Variants in SPATA13 observed in about 807,000 individuals in gnomAD.
The protein encoded by SPATA13 is spermatogenesis associated 13.
A neutral mutation model predicts 104.0 loss-of-function variants in SPATA13; 50 were observed. The ratio of observed to expected loss-of-function variants is 0.48; its 90% confidence interval spans 0.38 to 0.61. The LOEUF (loss-of-function observed/expected upper bound fraction) is 0.61, where lower values mean the gene tolerates loss of function less well. SPATA13 is among the 20% of genes least tolerant of loss of function. The pLI is 0.00. For synonymous variants in SPATA13, 606 were observed against 667.5 expected, an observed-to-expected ratio of 0.91 and a Z score of 1.42; for missense variants, 1,524 against 1,690.6, an observed-to-expected ratio of 0.90 and a Z score of 1.73.
In SPATA13 at chr13:24,219,448, T is replaced by G. The variant is rs78957625; in HGVS notation, c.-111-3371T>G. 0.017 allele frequency among the ~76,000 whole-genome samples: 2,526 copies of G among 152,318 alleles called. 129 individuals carry two copies. The East Asian group carries it at 0.18, about 11-fold the overall frequency. Reference sequence around the variant, plus strand: ...AATTAAGTTCTGAGTGTTAGAAAATTTCAACTTCTTCACTCTATAAAAACA... The same window carrying G: ...AATTAAGTTCTGAGTGTTAGAAAATGTCAACTTCTTCACTCTATAAAAACA... On this transcript the variant is annotated intron_variant, in intron 1 of 12. Transcript: ENST00000382108.
At chr13:24,078,659 T>C (rs1261693936) in intron 3 of SPATA13, among the ~76,000 whole-genome samples, 2 of 152,172 alleles carry the variant, frequency 1.3e-5, no homozygotes, top group Non-Finnish European at 2.9e-5. Context: ...CCAGTAGGTG[T>C]GTTTAGGAAG....
At chr13:24,162,100 C>G (rs1320212221) in intron 1 of SPATA13, among the ~76,000 whole-genome samples, 2 of 152,178 alleles carry the variant, frequency 1.3e-5, no homozygotes, top group Non-Finnish European at 2.9e-5. Flanking sequence ...CTCTGCCCTC[C>G]TCCCGCACTT....
At chr13:24,236,294 C>T (rs985605738) in intron 2 of SPATA13, among the ~76,000 whole-genome samples, 8 of 152,142 alleles carry the variant, frequency 5.3e-5, no homozygotes, top group Admixed American at 2.6e-4. Context: ...ACAAAAAACA[C>T]AGCCCCATTT....
At chr13:23,994,119 G>T (rs1161481057) in intron 2 of SPATA13, among the ~76,000 whole-genome samples, 1 of 152,084 alleles carries the variant, frequency 6.6e-6, no homozygotes, top group Non-Finnish European at 1.5e-5. Context: ...CAGTTTTGGG[G>T]TAAAGGAAAT....
intron 2 of SPATA13, among the ~76,000 whole-genome samples, chr13:24,015,136 C>T (rs1876653015): frequency 6.6e-6 from 1 of 152,098 alleles, no homozygotes; most frequent in Admixed American, 6.5e-5. Flanking sequence ...TCATGATCTG[C>T]CTGCCTTGGC....
chr13:24,181,192 G>C (rs1868782457), intron 1 of SPATA13, among the ~76,000 whole-genome samples: 3 of 152,152 alleles, frequency 2.0e-5, no homozygotes, highest in Admixed American at 1.3e-4. Flanking sequence ...GAATGCGAAG[G>C]CCTAGGACAT....
intron 1 of SPATA13, among the ~76,000 whole-genome samples, chr13:24,180,829 A>G (rs1360387280): frequency 1.3e-5 from 2 of 152,156 alleles, no homozygotes; most frequent in Non-Finnish European, 2.9e-5. Context: ...GCAGCCATGC[A>G]TCACTTAATG....
chr13:24,140,029 A>G (rs1881705442), intron 3 of SPATA13, among the ~76,000 whole-genome samples: 2 of 151,106 alleles, frequency 1.3e-5, no homozygotes, highest in Admixed American at 6.6e-5. Context: ...AGGTCGTGCC[A>G]CTGCACGCCA....
chr13:24,148,633 G>T (rs1201089414), intron 3 of SPATA13, among the ~76,000 whole-genome samples: 1 of 152,218 alleles, frequency 6.6e-6, no homozygotes, highest in African/African-American at 2.4e-5. Flanking sequence ...TTTAGTCAGA[G>T]GGAGAACTTG....
chr13:24,015,726 C>T (rs577281105), intron 2 of SPATA13, among the ~76,000 whole-genome samples: 3 of 90,662 alleles, frequency 3.3e-5, no homozygotes, highest in South Asian at 1.0e-3. Context: ...CCCTTTGGGG[C>T]GACCCCTGGC....
At chr13:24,099,306 T>A (rs953056509) in intron 3 of SPATA13, among the ~76,000 whole-genome samples, 8 of 152,182 alleles carry the variant, frequency 5.3e-5, no homozygotes, top group Admixed American at 4.6e-4. Flanking sequence ...AAGATGGAAT[T>A]AAAAGATCAC....
At chr13:24,057,679 C>T (rs986986314) in intron 3 of SPATA13, among the ~76,000 whole-genome samples, 7 of 149,440 alleles carry the variant, frequency 4.7e-5, no homozygotes, top group South Asian at 2.1e-4. Context: ...TTCCTGAAGA[C>T]GGGCAAGCCT....
intron 2 of SPATA13, among the ~76,000 whole-genome samples, chr13:24,016,482 C>T (rs2137693351): frequency 6.6e-6 from 1 of 152,338 alleles, no homozygotes; most frequent in Non-Finnish European, 1.5e-5. Context: ...GCCTGGGCAG[C>T]TATGATGCAG....
chr13:24,238,033 A>C (rs1872657849), intron 2 of SPATA13, among the ~76,000 whole-genome samples: 1 of 148,132 alleles, frequency 6.8e-6, no homozygotes, highest in African/African-American at 2.5e-5. Context: ...CACACACAAA[A>C]TTAAGTGATG....
rs142758522 is a variant in SPATA13 at position 24,197,576 on chromosome 13, A to G, written c.-111-25243A>G. Among the ~76,000 whole-genome samples, 828 of 152,344 alleles carry G rather than the reference A, an allele frequency of 5.4e-3. 7 individuals are homozygous for G. The highest frequency in any genetic ancestry group is 0.018 in the African/African-American group (746 of 41,570). Reference sequence around the variant, plus strand: ...TAGTTACCTTTTCTGAAAGATAGAAATAATTTGCATCTCTAATGAGAAAAA... The same window carrying G: ...TAGTTACCTTTTCTGAAAGATAGAAGTAATTTGCATCTCTAATGAGAAAAA... On this transcript the variant is annotated intron_variant, in intron 1 of 12. Transcript: ENST00000382108.
At chr13:24,169,499 C>T (rs892685752) in intron 1 of SPATA13, among the ~76,000 whole-genome samples, 11 of 152,090 alleles carry the variant, frequency 7.2e-5, no homozygotes, top group African/African-American at 1.7e-4. Context: ...CCTCACTGAC[C>T]GGCATTGAGA....
chr13:24,282,675 G>A (rs774099750), intron 4 of SPATA13, among the ~76,000 whole-genome samples: 12 of 152,160 alleles, frequency 7.9e-5, no homozygotes, highest in Admixed American at 5.2e-4. Flanking sequence ...CTTCCTCCAC[G>A]TCGTAGCAAA....
At chr13:24,057,195 A>G (rs1169131544) in intron 3 of SPATA13, among the ~76,000 whole-genome samples, 1 of 151,704 alleles carries the variant, frequency 6.6e-6, no homozygotes, top group East Asian at 1.9e-4. Flanking sequence ...CTCGCCATTT[A>G]ACATTAAGTA....
chr13:24,186,399 G>A (rs1869151615), intron 1 of SPATA13, among the ~76,000 whole-genome samples: 1 of 152,180 alleles, frequency 6.6e-6, no homozygotes, highest in Non-Finnish European at 1.5e-5. Context: ...ACAAACTCAC[G>A]TGTTGTATGT....
Sources: gnomAD v4.1 joint callset for allele counts (sites outside exome capture counted in the v4.1 genomes callset) on GRCh38, gnomAD v4.1.1 for gene constraint, MANE v1.5 for transcripts, NCBI Gene and HGNC (gene_info 2026-07-23, HGNC 2026-07-21) for gene names.